Variants in EPHA3 observed in about 807,000 individuals in gnomAD.
EPHA3 encodes EPH receptor A3, also known as ephrin type-A receptor 3.
Under a neutral mutation model 107.1 loss-of-function variants are expected in EPHA3, and 42 were observed. The observed-to-expected ratio is 0.39, with a 90% CI of 0.31 to 0.51. The LOEUF is 0.51. EPHA3 is among the 20% of genes least tolerant of loss of function. The probability of loss-of-function intolerance (pLI) is 0.78; values close to 1 mark genes in which losing one functional copy is unlikely to be tolerated. For synonymous variants in EPHA3, 461 were observed against 424.8 expected (o/e 1.09, Z -1.05); for missense variants, 1,183 against 1,211.2 (o/e 0.98, Z 0.35).
intron 5 of EPHA3, among the ~76,000 whole-genome samples, chr3:89,372,721 T>C (rs1311988785): frequency 6.6e-6 from 1 of 151,348 alleles, no homozygotes; most frequent in African/African-American, 2.4e-5. Flanking sequence ...CAGCTTAGTC[T>C]CTGTCTCCTA....
At chr3:89,453,132 T>C (rs1010456220) in intron 15 of EPHA3, among the ~76,000 whole-genome samples, 2 of 152,084 alleles carry the variant, frequency 1.3e-5, no homozygotes, top group Non-Finnish European at 2.9e-5. Context: ...ATAACAAACC[T>C]GTCCTTTCCT....
At chr3:89,362,051 T>A (rs751911462) in intron 5 of EPHA3, among the ~76,000 whole-genome samples, 5 of 151,216 alleles carry the variant, frequency 3.3e-5, no homozygotes, top group Non-Finnish European at 5.9e-5. Context: ...ACTTCTAAAG[T>A]AGAGTAGTAT....
At chr3:89,473,048 G>A (rs1234369014) in intron 16 of EPHA3, among the ~76,000 whole-genome samples, 1 of 152,172 alleles carries the variant, frequency 6.6e-6, no homozygotes, top group Non-Finnish European at 1.5e-5. Flanking sequence ...AGTAGATAAT[G>A]TGGTATACAA....
intron 7 of EPHA3, among the ~76,000 whole-genome samples, chr3:89,403,451 A>T (rs374510723): frequency 6.6e-6 from 1 of 152,132 alleles, no homozygotes. Flanking sequence ...CAAACCTAGA[A>T]TCTCCAGGTT....
At chr3:89,197,870 G>A (rs866201704) in intron 2 of EPHA3, among the ~76,000 whole-genome samples, 5 of 152,106 alleles carry the variant, frequency 3.3e-5, no homozygotes, top group African/African-American at 1.2e-4. Flanking sequence ...CAGCTACTGG[G>A]GAGGCTGAGG....
At chr3:89,377,729 G>A (rs933619887) in intron 5 of EPHA3, among the ~76,000 whole-genome samples, 3 of 152,014 alleles carry the variant, frequency 2.0e-5, no homozygotes, top group Non-Finnish European at 2.9e-5. Context: ...CAGACTGTGC[G>A]ATGTGAATAA....
intron 1 of EPHA3, among the ~76,000 whole-genome samples, chr3:89,109,656 CAG>C (rs771851099): frequency 1.3e-5 from 2 of 151,872 alleles, no homozygotes; most frequent in African/African-American, 2.4e-5. Flanking sequence ...TTTAATGAAA[CAG>C]AGTTAATCAA....
At chr3:89,199,281 C>T (rs772477379) in intron 2 of EPHA3, among the ~76,000 whole-genome samples, 5 of 152,096 alleles carry the variant, frequency 3.3e-5, no homozygotes, top group Non-Finnish European at 7.4e-5. Context: ...TACTTCATCA[C>T]GATAGTTTTA....
At chr3:89,328,910 G>A (rs1176636599) in intron 3 of EPHA3, among the ~76,000 whole-genome samples, 2 of 152,086 alleles carry the variant, frequency 1.3e-5, no homozygotes, top group Admixed American at 6.5e-5. Flanking sequence ...AAAAGGTGAT[G>A]TAAACATTGT....
At chr3:89,280,996 A>G (rs1705932976) in intron 3 of EPHA3, among the ~76,000 whole-genome samples, 1 of 124,352 alleles carries the variant, frequency 8.0e-6, no homozygotes, top group Non-Finnish European at 1.8e-5. Flanking sequence ...GAATCTTACA[A>G]GATTTTTATT....
intron 2 of EPHA3, among the ~76,000 whole-genome samples, chr3:89,137,904 A>T (rs1704349777): frequency 6.6e-6 from 1 of 151,986 alleles, no homozygotes; most frequent in South Asian, 2.1e-4. Context: ...TAGTTGTTAG[A>T]AATGCAAAAT....
chr3:89,285,144 A>C (rs1706049341), intron 3 of EPHA3, among the ~76,000 whole-genome samples: 3 of 152,118 alleles, frequency 2.0e-5, no homozygotes, highest in Admixed American at 1.3e-4. Context: ...TACAATAAAA[A>C]AATAAAAATA....
intron 5 of EPHA3, among the ~76,000 whole-genome samples, chr3:89,391,968 T>C (rs2107499596): frequency 6.6e-6 from 1 of 152,324 alleles, no homozygotes; most frequent in Non-Finnish European, 1.5e-5. Flanking sequence ...TTATTACCTT[T>C]ATACGGTTTT....
At chr3:89,227,802 T>G (rs1202982203) in intron 3 of EPHA3, among the ~76,000 whole-genome samples, 1 of 152,000 alleles carries the variant, frequency 6.6e-6, no homozygotes, top group Non-Finnish European at 1.5e-5. Context: ...TTGGGCAGTT[T>G]ATTTGTAACG....
intron 15 of EPHA3, among the ~76,000 whole-genome samples, chr3:89,469,323 T>A (rs1710355600): frequency 6.6e-6 from 1 of 152,030 alleles, no homozygotes; most frequent in South Asian, 2.1e-4. Context: ...GTAAATAGAG[T>A]CAGAACCAAT....
At chr3:89,161,726 C>A (rs1704947086) in intron 2 of EPHA3, among the ~76,000 whole-genome samples, 1 of 151,830 alleles carries the variant, frequency 6.6e-6, no homozygotes, top group African/African-American at 2.4e-5. Flanking sequence ...GCCTGTAATC[C>A]CAGTATTTCA....
At chr3:89,261,935 T>C (rs1046179635) in intron 3 of EPHA3, among the ~76,000 whole-genome samples, 10 of 151,690 alleles carry the variant, frequency 6.6e-5, no homozygotes, top group Admixed American at 3.3e-4. Context: ...CACATACATA[T>C]GAACACACAC....
intron 1 of EPHA3, among the ~76,000 whole-genome samples, 188 bp downstream of exon 1, chr3:89,108,024 G>A (rs1179216001): frequency 6.6e-6 from 1 of 152,020 alleles, no homozygotes; most frequent in East Asian, 1.9e-4. Context: ...GATAATTTTA[G>A]ATGGTCTAAA....
intron 3 of EPHA3, among the ~76,000 whole-genome samples, chr3:89,289,018 T>C (rs1351324316): frequency 1.3e-5 from 2 of 152,180 alleles, no homozygotes; most frequent in African/African-American, 4.8e-5. Flanking sequence ...GCACCTACTA[T>C]GTGTCAAATT....
Sources: allele counts gnomAD v4.1 joint callset (sites outside exome capture counted in the v4.1 genomes callset), GRCh38; gene constraint gnomAD v4.1.1; transcripts MANE v1.5; gene names NCBI Gene and HGNC (gene_info 2026-07-23, HGNC 2026-07-21).